Variants in CEP350 observed in about 807,000 individuals in gnomAD.
CEP350 encodes the protein centrosome-associated protein 350.
In CEP350, 126 loss-of-function variants were observed where a neutral mutation model predicts 331.8. The observed-to-expected ratio is 0.38, with a 90% CI of 0.33 to 0.44. The LOEUF (loss-of-function observed/expected upper bound fraction) is 0.44. CEP350 is among the 20% of genes least tolerant of loss of function. The probability of loss-of-function intolerance (pLI) is 1.00; values close to 1 mark genes in which losing one functional copy is unlikely to be tolerated. For synonymous variants in CEP350, 1,200 were observed against 1,259.5 expected (o/e 0.95, Z 1.00); for missense variants, 3,406 against 3,634.6 (o/e 0.94, Z 1.62).
intron 31 of CEP350, chr1:180,087,154 G>A (rs1395243906): frequency 2.0e-5 from 3 of 151,968 alleles, no homozygotes; most frequent in East Asian, 1.9e-4. Flanking sequence ...TTCATAATTT[G>A]TATCCCTAAG....
intron 24 of CEP350, 30 bp from the exon 25 acceptor site, chr1:180,054,385 C>A (rs1657691000): frequency 6.7e-7 from 1 of 1,495,874 alleles, no homozygotes; most frequent in Non-Finnish European, 9.1e-7. Flanking sequence ...TTAATCAAAT[C>A]TTTGTCTCAA....
intron 1 of CEP350, among the ~76,000 whole-genome samples, chr1:179,965,702 C>A (rs1293547565): frequency 7.3e-6 from 1 of 136,854 alleles, no homozygotes; most frequent in Non-Finnish European, 1.5e-5. Flanking sequence ...CTTACTGCAA[C>A]CTCCGCCTCC....
chr1:179,989,638 A>G (rs1464338287), intron 3 of CEP350, among the ~76,000 whole-genome samples: 1 of 151,940 alleles, frequency 6.6e-6, no homozygotes, highest in East Asian at 1.9e-4. Flanking sequence ...TTAGGAGAAA[A>G]TGCTTTTCAG....
intron 2 of CEP350, 120 bp downstream of exon 2, chr1:179,986,374 T>A: frequency 1.7e-6 from 1 of 595,200 alleles, no homozygotes; most frequent in Non-Finnish European, 2.9e-6. Context: ...GATAAATCAT[T>A]TTAAAATTCT....
intron 1 of CEP350, among the ~76,000 whole-genome samples, chr1:179,976,312 C>A (rs1023107173): frequency 6.6e-6 from 1 of 151,852 alleles, no homozygotes; most frequent in Admixed American, 6.6e-5. Context: ...CTGTTCATAA[C>A]AAAGTGAAAG....
chr1:180,060,861 C>A (rs1484430917), intron 25 of CEP350, among the ~76,000 whole-genome samples: 1 of 150,308 alleles, frequency 6.7e-6, no homozygotes, highest in African/African-American at 2.4e-5. Context: ...TTTTTTTTTG[C>A]AGATAAGCAC....
At chr1:180,068,852 A>G (rs6692394) in intron 27 of CEP350, among the ~76,000 whole-genome samples, 107,642 of 152,120 alleles carry the variant, frequency 0.71, 39,493 homozygotes, top group Admixed American at 0.79. Context: ...AAGAATGAGG[A>G]CAGCTTCACA....
intron 31 of CEP350, among the ~76,000 whole-genome samples, chr1:180,084,514 G>A (rs1318606693): frequency 1.3e-5 from 2 of 152,012 alleles, no homozygotes; most frequent in African/African-American, 2.4e-5. Context: ...ACAGGCGTCC[G>A]CCACTACGCC....
At chr1:180,045,821 T>G (rs1657081904) in intron 21 of CEP350, among the ~76,000 whole-genome samples, 1 of 152,200 alleles carries the variant, frequency 6.6e-6, no homozygotes, top group Non-Finnish European at 1.5e-5. Context: ...AGGTCTAAAT[T>G]ATTTAGCCTG....
In CEP350 at chr1:180,031,458, A is replaced by G; in HGVS notation, c.3689A>G (p.Asp1230Gly). The G allele has an allele frequency of 1.3e-6, 2 of 1,569,036 alleles. No individual in the cohort carries two copies. Among genetic ancestry groups the G allele is most frequent in the Non-Finnish European group, 1.7e-6 (2 of 1,156,386 alleles). The change falls in exon 15 of 38, where the codon GAT becomes GGT. Residue 1230 changes from aspartate to glycine, a missense_variant. Physicochemically the swap from Asp to Gly is moderately conservative, Grantham distance 94 (BLOSUM62 -1). Transcript: ENST00000367607. The stretch of plus-strand genomic sequence containing the variant: ...GATTTTGAGCAGACTCTTGATACAG[A>G]TAGCACTTTGGAGGATCTTTCTGGA... Reference protein sequence around the residue: ...VKDFEQTLDTDSTLEDLSGHS... With the variant: ...VKDFEQTLDTGSTLEDLSGHS...
intron 1 of CEP350, chr1:179,969,335 G>A (rs1651258156): frequency 2.0e-6 from 1 of 511,038 alleles, no homozygotes; most frequent in South Asian, 1.4e-5. Context: ...GACTGTGTCA[G>A]CTCTGGAGTT....
chr1:180,033,903 C>T lies in CEP350; in HGVS notation c.3767C>T (p.Ser1256Phe). 1.9e-6 allele frequency: 3 copies of T among 1,613,888 alleles called. No individual in the cohort carries two copies. Among genetic ancestry groups the T allele is most frequent in the South Asian group, 2.2e-5 (2 of 91,076 alleles). The change falls in exon 16 of 38, where the codon TCT (serine) becomes TTT (phenylalanine). Residue 1256 changes from serine to phenylalanine, a missense_variant. By Grantham distance (155) the Ser-to-Phe change is radical. Around this residue, in one of 5 missense-constraint regions of CEP350, gnomAD observed 1,857 missense variants for 1,909.2 expected, o/e 0.97. Transcript: ENST00000367607. ...GGAAGATCTCAGAAAACTCCAACTT[C>T]TCCCCTGTCACCAAGTTCCCAGAAA... ...DKGRSQKTPTSPLSPSSQKSL... is the reference protein window; with the variant it reads ...DKGRSQKTPTFPLSPSSQKSL...
intron 17 of CEP350, among the ~76,000 whole-genome samples, chr1:180,038,877 C>T (rs1424664915): frequency 6.6e-6 from 1 of 151,912 alleles, no homozygotes; most frequent in African/African-American, 2.4e-5. Context: ...TGATGAAATC[C>T]AGTTTTAATT....
intron 36 of CEP350, 126 bp from the exon 37 acceptor site, chr1:180,098,737 A>G (rs1660633264): frequency 1.3e-6 from 1 of 791,228 alleles, no homozygotes; most frequent in Admixed American, 3.1e-5. Flanking sequence ...TAAGTGGAAG[A>G]AATTTGTATG....
At chr1:179,989,360 G>A (rs571619455) in intron 3 of CEP350, among the ~76,000 whole-genome samples, 1 of 151,804 alleles carries the variant, frequency 6.6e-6, no homozygotes, top group South Asian at 2.1e-4. Flanking sequence ...GTGTACATCT[G>A]TAGTCCCAGC....
chr1:180,091,693 G>A (rs991521216), intron 33 of CEP350, among the ~76,000 whole-genome samples: 7 of 152,080 alleles, frequency 4.6e-5, no homozygotes, highest in African/African-American at 1.7e-4. Context: ...AGCTGGGCAT[G>A]GTGGTGCACA....
chr1:180,056,577 C>G (rs1383066746), intron 25 of CEP350, among the ~76,000 whole-genome samples: 2 of 150,026 alleles, frequency 1.3e-5, no homozygotes, highest in Non-Finnish European at 3.0e-5. Context: ...TCAAGCAATC[C>G]TCTCACCTAA....
chr1:180,071,459 CAAAAAAA>C (rs35037785), intron 27 of CEP350, among the ~76,000 whole-genome samples: 7 of 76,196 alleles, frequency 9.2e-5, no homozygotes, highest in South Asian at 3.8e-4. Flanking sequence ...AACTCCATCT[CAAAAAAA>C]AAAAAAAAAA....
chr1:180,045,642 A>C (rs999673393), intron 21 of CEP350, among the ~76,000 whole-genome samples: 1 of 152,232 alleles, frequency 6.6e-6, no homozygotes, highest in African/African-American at 2.4e-5. Context: ...AACTTCATGT[A>C]AACCATCATC....
Sources: gnomAD v4.1 joint callset for allele counts (sites outside exome capture counted in the v4.1 genomes callset) on GRCh38, gnomAD v4.1.1 for gene constraint, gnomAD v4.1.1 regional missense constraint, MANE v1.5 for transcripts, NCBI Gene and HGNC (gene_info 2026-07-23, HGNC 2026-07-21) for gene names.